Variants in PCDH15 observed in about 807,000 individuals in gnomAD.
PCDH15 encodes protocadherin-15.
Under a neutral mutation model 178.5 loss-of-function variants are expected in PCDH15, and 129 were observed. The ratio of observed to expected loss-of-function variants is 0.72; its 90% CI spans 0.63 to 0.84. The LOEUF is 0.84. Among genes scored for constraint, PCDH15 ranks in the 40% least tolerant of loss-of-function variants. The probability of loss-of-function intolerance (pLI) is 0.00; values close to 1 mark genes in which losing one functional copy is unlikely to be tolerated. For missense variants in PCDH15, 2,230 were observed against 2,099.9 expected (o/e 1.06, Z -1.21); for synonymous variants, 800 against 732.0 (o/e 1.09, Z -1.50).
At chr10:55,407,226 T>C (rs1035557101) in intron 2 of PCDH15, among the ~76,000 whole-genome samples, 8 of 152,168 alleles carry the variant, frequency 5.3e-5, no homozygotes, top group Admixed American at 4.6e-4. Flanking sequence ...CCTCCTTTTT[T>C]AACTTAGAAA....
intron 1 of PCDH15, among the ~76,000 whole-genome samples, chr10:55,195,096 T>C (rs570040546): frequency 1.3e-5 from 2 of 151,108 alleles, no homozygotes; most frequent in Non-Finnish European, 2.9e-5. Flanking sequence ...GGATCTCGGC[T>C]CACTGCAACC....
At chr10:54,057,437 G>A (rs575269711) in intron 18 of PCDH15, among the ~76,000 whole-genome samples, 1 of 152,338 alleles carries the variant, frequency 6.6e-6, no homozygotes, top group African/African-American at 2.4e-5. Context: ...CCATGTGGAA[G>A]CCGCCAAGAC....
chr10:55,353,721 C>G (rs898543900), intron 2 of PCDH15, among the ~76,000 whole-genome samples: 7 of 152,022 alleles, frequency 4.6e-5, no homozygotes, highest in Non-Finnish European at 7.4e-5. Flanking sequence ...ACATCACATA[C>G]CTTGCACTTC....
chr10:54,758,396 AGTGTATTGTGT>A (rs2133103629), intron 1 of PCDH15, among the ~76,000 whole-genome samples: 2 of 152,322 alleles, frequency 1.3e-5, no homozygotes, highest in East Asian at 3.9e-4. Context: ...GATACTCTAC[AGTGTATTGTGT>A]TGCTGACGCT....
chr10:54,435,260 G>C (rs926097442), intron 3 of PCDH15, among the ~76,000 whole-genome samples: 1 of 152,074 alleles, frequency 6.6e-6, no homozygotes, highest in Non-Finnish European at 1.5e-5. Context: ...CAAAGATGTT[G>C]AACAGATGAT....
At chr10:55,592,573 C>G (rs973488512) in intron 2 of PCDH15, among the ~76,000 whole-genome samples, 3 of 152,232 alleles carry the variant, frequency 2.0e-5, no homozygotes, top group Non-Finnish European at 4.4e-5. Context: ...TCTTGTGTGG[C>G]TTCCCTGTGG....
intron 1 of PCDH15, among the ~76,000 whole-genome samples, chr10:54,758,834 TATC>T (rs1175991246): frequency 1.3e-5 from 2 of 152,234 alleles, no homozygotes; most frequent in African/African-American, 4.8e-5. Context: ...CTTTAAGGCT[TATC>T]ATCAGCAAAG....
chr10:55,237,829 CA>C (rs530030004), intron 1 of PCDH15, among the ~76,000 whole-genome samples: 94 of 143,276 alleles, frequency 6.6e-4, no homozygotes, highest in Middle Eastern at 3.8e-3. Flanking sequence ...TATTGGAATT[CA>C]AAAAAAAAAT....
chr10:53,915,019 T>A (rs1333193022), intron 25 of PCDH15, among the ~76,000 whole-genome samples: 3 of 152,212 alleles, frequency 2.0e-5, no homozygotes. Flanking sequence ...AAAATGATCA[T>A]CTGAGATAAA....
chr10:54,552,161 T>G (rs1018623688), intron 2 of PCDH15, among the ~76,000 whole-genome samples: 3 of 152,142 alleles, frequency 2.0e-5, no homozygotes, highest in Admixed American at 2.0e-4. Flanking sequence ...AGATTTTGCC[T>G]TATATTCAAC....
At chr10:53,817,782 A>G (rs769832396) in intron 34 of PCDH15, among the ~76,000 whole-genome samples, 2 of 152,132 alleles carry the variant, frequency 1.3e-5, no homozygotes, top group East Asian at 1.9e-4. Flanking sequence ...TAAAAAGGTA[A>G]GCAAGTGATC....
intron 25 of PCDH15, among the ~76,000 whole-genome samples, chr10:53,912,450 C>A (rs1313096858): frequency 6.6e-6 from 1 of 152,112 alleles, no homozygotes; most frequent in Non-Finnish European, 1.5e-5. Context: ...CCAGGGCAAT[C>A]AGGCAAGAGA....
chr10:54,506,306 G>A (rs1480508827), intron 3 of PCDH15, among the ~76,000 whole-genome samples: 2 of 151,752 alleles, frequency 1.3e-5, no homozygotes, highest in Non-Finnish European at 2.9e-5. Flanking sequence ...TTTCTATATA[G>A]TCAGTATTTA....
chr10:54,663,371 A>G (rs1315210803), intron 2 of PCDH15, among the ~76,000 whole-genome samples: 1 of 150,830 alleles, frequency 6.6e-6, no homozygotes, highest in Non-Finnish European at 1.5e-5. Context: ...AATTTTCTTG[A>G]ATAGGAAATT....
chr10:54,435,941 G>T (rs1341214512), intron 3 of PCDH15, among the ~76,000 whole-genome samples: 1 of 151,440 alleles, frequency 6.6e-6, no homozygotes, highest in Non-Finnish European at 1.5e-5. Flanking sequence ...CTGCACTCCA[G>T]CCTGGGCAAC....
intron 1 of PCDH15, among the ~76,000 whole-genome samples, chr10:54,787,609 G>A (rs1374271885): frequency 6.6e-6 from 1 of 151,950 alleles, no homozygotes; most frequent in South Asian, 2.1e-4. Context: ...AACATGACAG[G>A]ATGAGCCAGT....
chr10:53,834,179 G>C (rs979888826), intron 29 of PCDH15, among the ~76,000 whole-genome samples: 5 of 152,112 alleles, frequency 3.3e-5, no homozygotes, highest in Admixed American at 1.3e-4. Context: ...TTAGATTAAA[G>C]ACTACCACCG....
chr10:55,213,927 C>T (rs1229791477), intron 1 of PCDH15, among the ~76,000 whole-genome samples: 3 of 151,804 alleles, frequency 2.0e-5, no homozygotes, highest in Non-Finnish European at 4.4e-5. Flanking sequence ...AAAAATCAAA[C>T]TGACTTTAGC....
chr10:54,198,189 T>C (rs1056168994), intron 10 of PCDH15, among the ~76,000 whole-genome samples: 2 of 152,106 alleles, frequency 1.3e-5, no homozygotes, highest in Admixed American at 6.5e-5. Flanking sequence ...ATCCAGCAGT[T>C]GTGATTAATT....
Sources: gnomAD v4.1 joint callset for allele counts (sites outside exome capture counted in the v4.1 genomes callset) on GRCh38, gnomAD v4.1.1 for gene constraint, MANE v1.5 for transcripts, NCBI Gene and HGNC (gene_info 2026-07-23, HGNC 2026-07-21) for gene names.